The following GRM8 variants were observed in gnomAD, a reference collection of about 807,000 sequenced individuals.
GRM8 encodes glutamate metabotropic receptor 8.
A neutral mutation model predicts 87.2 loss-of-function variants in GRM8; 47 were observed. That is an observed-to-expected ratio of 0.54 (90% CI 0.43 to 0.69). The LOEUF (loss-of-function observed/expected upper bound fraction) is 0.69. Ranked by LOEUF, GRM8 falls within the 30% of genes least tolerant of loss-of-function variation. The probability of loss-of-function intolerance (pLI) is 0.00; values close to 1 mark genes in which losing one functional copy is unlikely to be tolerated. For missense variants in GRM8, 1,019 were observed against 1,139.2 expected (o/e 0.89, Z 1.52); for synonymous variants, 396 against 404.5 (o/e 0.98, Z 0.25).
chr7:126,587,415 T>C (rs1796251929), intron 8 of GRM8, among the ~76,000 whole-genome samples: 1 of 152,112 alleles, frequency 6.6e-6, no homozygotes, highest in South Asian at 2.1e-4. Flanking sequence ...TAGCAAAGAC[T>C]TGGAACCAAT....
intron 2 of GRM8, among the ~76,000 whole-genome samples, chr7:127,162,644 T>G (rs1793188589): frequency 6.6e-6 from 1 of 152,186 alleles, no homozygotes; most frequent in South Asian, 2.1e-4. Context: ...CTGGATTTTA[T>G]AACCCTTGCT....
intron 8 of GRM8, among the ~76,000 whole-genome samples, chr7:126,602,334 A>G (rs1448970903): frequency 1.4e-5 from 2 of 143,092 alleles, no homozygotes; most frequent in Non-Finnish European, 3.1e-5. Context: ...TGGTTACTGT[A>G]GCCTTGTAGT....
At chr7:126,992,809 G>GTGTGTGTGTGTGTGTGTA (rs1491577820) in intron 3 of GRM8, among the ~76,000 whole-genome samples, 14 of 105,578 alleles carry the variant, frequency 1.3e-4, no homozygotes, top group Non-Finnish European at 3.1e-4. Context: ...CTCTCTCCGT[G>GTGTGTGTGTGTGTGTGTA]TGTGTGTGTG....
intron 3 of GRM8, among the ~76,000 whole-genome samples, chr7:127,083,435 C>T (rs988260406): frequency 3.3e-5 from 5 of 152,148 alleles, no homozygotes; most frequent in African/African-American, 7.2e-5. Flanking sequence ...TTGCAACACC[C>T]TACTAACTCA....
At chr7:127,217,617 C>T (rs1796641808) in intron 2 of GRM8, among the ~76,000 whole-genome samples, 2 of 152,172 alleles carry the variant, frequency 1.3e-5, no homozygotes. Flanking sequence ...CTGGGGGCCC[C>T]CACCTTCAGC....
At chr7:127,028,035 T>C (rs182478403) in intron 3 of GRM8, among the ~76,000 whole-genome samples, 173 of 152,332 alleles carry the variant, frequency 1.1e-3, no homozygotes, top group Non-Finnish European at 1.9e-3. Flanking sequence ...ATTTTTAGCA[T>C]GAAAGGCTGT....
intron 7 of GRM8, among the ~76,000 whole-genome samples, chr7:126,765,321 G>C (rs1290076753): frequency 6.6e-6 from 1 of 151,884 alleles, no homozygotes; most frequent in Admixed American, 6.6e-5. Flanking sequence ...CTTTAGACTC[G>C]TTTCTATTCC....
At chr7:126,909,328 A>G (rs1803048918) in intron 3 of GRM8, among the ~76,000 whole-genome samples, 1 of 152,208 alleles carries the variant, frequency 6.6e-6, no homozygotes, top group African/African-American at 2.4e-5. Context: ...TACGTTTTCC[A>G]TACAATACTC....
chr7:127,061,824 G>A (rs1373222327), intron 3 of GRM8, among the ~76,000 whole-genome samples: 3 of 152,196 alleles, frequency 2.0e-5, no homozygotes, highest in Non-Finnish European at 4.4e-5. Context: ...AATGTAAATA[G>A]TCTACTGTAC....
intron 7 of GRM8, among the ~76,000 whole-genome samples, chr7:126,750,982 A>G (rs1181672745): frequency 6.6e-6 from 1 of 152,116 alleles, no homozygotes; most frequent in Admixed American, 6.6e-5. Flanking sequence ...TTGTATGGGT[A>G]CTAGATGTAT....
intron 9 of GRM8, among the ~76,000 whole-genome samples, chr7:126,471,685 G>T (rs1220250477): frequency 6.6e-6 from 1 of 151,616 alleles, no homozygotes; most frequent in African/African-American, 2.4e-5. Flanking sequence ...CTCTTTTTTG[G>T]TTCCATATGA....
At chr7:126,997,092 A>G (rs1195579727) in intron 3 of GRM8, among the ~76,000 whole-genome samples, 1 of 151,886 alleles carries the variant, frequency 6.6e-6, no homozygotes, top group East Asian at 1.9e-4. Flanking sequence ...AATATAAAAC[A>G]TATTCTCTGA....
In GRM8 at chr7:126,561,846, A is replaced by C. The variant is rs1168779345; in HGVS notation, c.1495-27959T>G. ...CTGTGTCCATGTGTTCTCATTGTTC[A>C]ATTCCCACCTATGAGTGAGAACATG... On this transcript the variant is annotated intron_variant, in intron 8 of 10. Coordinates refer to ENST00000339582, the MANE Select transcript of GRM8 (RefSeq NM_000845.3). Among the ~76,000 whole-genome samples, 6 of 98,646 alleles carry C rather than the reference A, an allele frequency of 6.1e-5. No individual in the cohort carries two copies. In the Admixed American group the frequency reaches 7.3e-4, roughly 12 times the overall value. 64.7% of individuals were successfully genotyped at this position (98,646 alleles called of 152,430 possible).
At chr7:127,017,448 C>T (rs1016758848) in intron 3 of GRM8, among the ~76,000 whole-genome samples, 5 of 152,044 alleles carry the variant, frequency 3.3e-5, no homozygotes, top group Non-Finnish European at 5.9e-5. Flanking sequence ...AATAAGAATA[C>T]AGAACAGCTA....
At chr7:126,763,460 TATATATATATATACACAC>T (rs1563163648) in intron 7 of GRM8, among the ~76,000 whole-genome samples, 7 of 64,048 alleles carry the variant, frequency 1.1e-4, no homozygotes, top group Non-Finnish European at 2.1e-4. Context: ...TATATATATA[TATATATATATATACACAC>T]ACACACACAC....
At chr7:126,727,005 A>G (rs1325100450) in intron 7 of GRM8, among the ~76,000 whole-genome samples, 1 of 152,102 alleles carries the variant, frequency 6.6e-6, no homozygotes, top group Non-Finnish European at 1.5e-5. Context: ...AAAGTATATC[A>G]TAGTTCTCAA....
Position 126,570,282 on chromosome 7 carries a change from C to T in GRM8, c.1495-36395G>A, listed in dbSNP as rs1222401466. ...GTAATTTCAGTTCACCTGTACTTCC[C>T]CACTGGGAGACAGTGTAGAACAGTG... On this transcript the variant is annotated intron_variant, in intron 8 of 10. Coordinates refer to ENST00000339582, the MANE Select transcript of GRM8 (RefSeq NM_000845.3). 2.0e-5 allele frequency among the ~76,000 whole-genome samples: 3 copies of T among 152,144 alleles called. 1 individual carries two copies. The highest frequency in any genetic ancestry group is 1.5e-5 in the Non-Finnish European group (1 of 68,042).
intron 6 of GRM8, among the ~76,000 whole-genome samples, chr7:126,778,972 C>A (rs765614513): frequency 3.7e-4 from 56 of 151,986 alleles, no homozygotes; most frequent in Non-Finnish European, 7.2e-4. Flanking sequence ...GGTGTGGCGT[C>A]TTACATTTCT....
chr7:127,238,373 CA>C, intron 2 of GRM8, among the ~76,000 whole-genome samples: 1 of 151,282 alleles, frequency 6.6e-6, no homozygotes, highest in Admixed American at 6.6e-5. Flanking sequence ...AAGTTCAGAT[CA>C]TTAAATTCTT....
Sources: allele counts gnomAD v4.1 joint callset (sites outside exome capture counted in the v4.1 genomes callset), GRCh38; gene constraint gnomAD v4.1.1; transcripts MANE v1.5; gene names NCBI Gene and HGNC (gene_info 2026-07-23, HGNC 2026-07-21).